Variants in GRIK2 observed in about 807,000 individuals in gnomAD.
GRIK2 encodes glutamate ionotropic receptor kainate type subunit 2.
A neutral mutation model predicts 100.3 loss-of-function variants in GRIK2; 32 were observed. The observed-to-expected ratio is 0.32, with a 90% CI of 0.24 to 0.43. The LOEUF is 0.43. Among genes scored for constraint, GRIK2 ranks in the 20% least tolerant of loss-of-function variants. The pLI, the probability that GRIK2 is intolerant of heterozygous loss-of-function variation, is 1.00. For synonymous variants in GRIK2, 417 were observed against 389.4 expected, an observed-to-expected ratio of 1.07 and a Z score of -0.83; for missense variants, 843 against 1,114.9, an observed-to-expected ratio of 0.76 and a Z score of 3.47.
chr6:101,815,237 T>C (rs1781564183), intron 9 of GRIK2, among the ~76,000 whole-genome samples: 1 of 152,176 alleles, frequency 6.6e-6, no homozygotes. Flanking sequence ...TCTGGGTGTA[T>C]TCATAGGATC....
intron 2 of GRIK2, among the ~76,000 whole-genome samples, chr6:101,605,613 G>A (rs1779406824): frequency 6.6e-6 from 1 of 152,002 alleles, no homozygotes; most frequent in Non-Finnish European, 1.5e-5. Context: ...CAGGAGGTGG[G>A]GTGGCAGTGA....
At chr6:101,445,696 C>T (rs1369742513) in intron 2 of GRIK2, among the ~76,000 whole-genome samples, 1 of 152,076 alleles carries the variant, frequency 6.6e-6, no homozygotes, top group Non-Finnish European at 1.5e-5. Context: ...TGAGTGCTGC[C>T]TGACTAACTC....
intron 14 of GRIK2, among the ~76,000 whole-genome samples, chr6:102,010,842 GT>G (rs1243098467): frequency 6.6e-6 from 1 of 151,650 alleles, no homozygotes; most frequent in Non-Finnish European, 1.5e-5. Context: ...TCTTTCATGT[GT>G]TTTCTTTCTT....
intron 7 of GRIK2, among the ~76,000 whole-genome samples, chr6:101,721,070 A>G (rs1774446211): frequency 6.6e-6 from 1 of 151,832 alleles, no homozygotes; most frequent in Non-Finnish European, 1.5e-5. Flanking sequence ...TAATATGTCC[A>G]TTTGTTTTTT....
chr6:101,887,122 C>T (rs1226308748), intron 11 of GRIK2, among the ~76,000 whole-genome samples: 1 of 152,008 alleles, frequency 6.6e-6, no homozygotes, highest in Admixed American at 6.6e-5. Flanking sequence ...GCCAGCGTGC[C>T]TGGCCTCTTC....
chr6:102,049,266 A>C (rs543806975), intron 15 of GRIK2, among the ~76,000 whole-genome samples: 62 of 152,272 alleles, frequency 4.1e-4, no homozygotes, highest in Middle Eastern at 6.8e-3. Context: ...GGCAGAAAGG[A>C]GAGTACATAG....
chr6:101,793,568 G>T (rs1243292538), intron 7 of GRIK2, among the ~76,000 whole-genome samples: 1 of 152,142 alleles, frequency 6.6e-6, no homozygotes, highest in Non-Finnish European at 1.5e-5. Context: ...TCCTCTGGAA[G>T]TTTTGTCTCA....
intron 14 of GRIK2, among the ~76,000 whole-genome samples, chr6:101,965,070 G>C (rs1317037149): frequency 1.3e-5 from 2 of 152,108 alleles, no homozygotes; most frequent in Non-Finnish European, 2.9e-5. Context: ...AGGCATTTGG[G>C]TGTGGTGTAG....
intron 10 of GRIK2, among the ~76,000 whole-genome samples, chr6:101,851,459 A>G (rs918477462): frequency 2.0e-5 from 3 of 152,064 alleles, no homozygotes; most frequent in Non-Finnish European, 4.4e-5. Flanking sequence ...AAAAGTACTT[A>G]GGAATATAAT....
At chr6:101,988,316 T>C (rs1306652691) in intron 14 of GRIK2, among the ~76,000 whole-genome samples, 1 of 151,884 alleles carries the variant, frequency 6.6e-6, no homozygotes, top group Non-Finnish European at 1.5e-5. Context: ...GTTTTTGAAA[T>C]GACTTCTTGT....
chr6:101,776,016 T>G (rs922681745), intron 7 of GRIK2, among the ~76,000 whole-genome samples: 1 of 152,140 alleles, frequency 6.6e-6, no homozygotes, highest in Admixed American at 6.6e-5. Context: ...CATAAGCAGA[T>G]TTGTGTTTTC....
At chr6:101,934,192 G>A (rs1790476088) in intron 14 of GRIK2, among the ~76,000 whole-genome samples, 1 of 151,804 alleles carries the variant, frequency 6.6e-6, no homozygotes, top group Non-Finnish European at 1.5e-5. Flanking sequence ...TATAACCAAG[G>A]AATGCATAGT....
At chr6:101,861,603 C>T (rs1784737188) in intron 11 of GRIK2, among the ~76,000 whole-genome samples, 1 of 152,028 alleles carries the variant, frequency 6.6e-6, no homozygotes, top group African/African-American at 2.4e-5. Flanking sequence ...AAAAACAAAA[C>T]AAATAATATT....
intron 11 of GRIK2, among the ~76,000 whole-genome samples, chr6:101,885,833 C>T (rs1413817278): frequency 6.6e-6 from 1 of 152,016 alleles, no homozygotes; most frequent in African/African-American, 2.4e-5. Context: ...CTTTCCATTT[C>T]CATACACATT....
At chr6:101,738,010 A>G (rs955336934) in intron 7 of GRIK2, among the ~76,000 whole-genome samples, 1 of 152,184 alleles carries the variant, frequency 6.6e-6, no homozygotes, top group African/African-American at 2.4e-5. Flanking sequence ...AAGAAGATAG[A>G]GATTGAGACA....
intron 2 of GRIK2, among the ~76,000 whole-genome samples, chr6:101,573,628 G>A (rs1170501526): frequency 2.0e-5 from 3 of 152,034 alleles, no homozygotes; most frequent in Non-Finnish European, 4.4e-5. Context: ...GATACATTGT[G>A]ACAAAATATT....
intron 7 of GRIK2, among the ~76,000 whole-genome samples, chr6:101,740,030 A>G (rs531478245): frequency 4.6e-5 from 7 of 152,298 alleles, no homozygotes; most frequent in African/African-American, 1.7e-4. Flanking sequence ...CGCAGAATCA[A>G]CTTTGCTCTC....
chr6:101,617,338 A>G (rs1442234829), intron 2 of GRIK2, among the ~76,000 whole-genome samples: 1 of 151,816 alleles, frequency 6.6e-6, no homozygotes, highest in African/African-American at 2.4e-5. Flanking sequence ...TTTTTGAACA[A>G]TGAAATCATG....
intron 4 of GRIK2, among the ~76,000 whole-genome samples, chr6:101,666,774 T>C (rs1254866059): frequency 6.6e-6 from 1 of 152,214 alleles, no homozygotes. Flanking sequence ...TTCACTTAGA[T>C]GGTTTTAATG....
Sources: allele counts gnomAD v4.1 joint callset (sites outside exome capture counted in the v4.1 genomes callset), GRCh38; gene constraint gnomAD v4.1.1; transcripts MANE v1.5; gene names NCBI Gene and HGNC (gene_info 2026-07-23, HGNC 2026-07-21).